EGFLAM: variants seen among roughly 807,000 people sequenced by gnomAD.
EGFLAM encodes the protein pikachurin.
Under a neutral mutation model 113.1 loss-of-function variants are expected in EGFLAM, and 79 were observed. The observed-to-expected ratio is 0.70, with a 90% CI of 0.58 to 0.84. The LOEUF (loss-of-function observed/expected upper bound fraction) is 0.84, where lower values mean the gene tolerates loss of function less well. Among genes scored for constraint, EGFLAM ranks in the 40% least tolerant of loss-of-function variants. The pLI is 0.00. For missense variants in EGFLAM, 1,265 were observed against 1,291.6 expected, an observed-to-expected ratio of 0.98 and a Z score of 0.32; for synonymous variants, 504 against 487.6, an observed-to-expected ratio of 1.03 and a Z score of -0.44.
chr5:38,409,513 C>A, intron 10 of EGFLAM, among the ~76,000 whole-genome samples: 1 of 152,116 alleles, frequency 6.6e-6, no homozygotes, highest in South Asian at 2.1e-4. Context: ...GTACCTGGTG[C>A]TGGAGGTACT....
At chr5:38,429,588 A>G (rs1036599239) in intron 14 of EGFLAM, among the ~76,000 whole-genome samples, 2 of 152,234 alleles carry the variant, frequency 1.3e-5, no homozygotes, top group African/African-American at 2.4e-5. Flanking sequence ...AACTTGCATA[A>G]ATATCATTAA....
chr5:38,395,730 C>T (rs1473568013), intron 6 of EGFLAM, among the ~76,000 whole-genome samples: 1 of 152,188 alleles, frequency 6.6e-6, no homozygotes, highest in Non-Finnish European at 1.5e-5. Flanking sequence ...CTGTGAGCCA[C>T]CGACAAGCTA....
chr5:38,306,499 T>G (rs771943416), intron 1 of EGFLAM, among the ~76,000 whole-genome samples: 1 of 152,232 alleles, frequency 6.6e-6, no homozygotes, highest in Non-Finnish European at 1.5e-5. Flanking sequence ...CGATATCTCA[T>G]GTTCAGGGCC....
At chr5:38,275,426 T>C (rs1222265688) in intron 1 of EGFLAM, among the ~76,000 whole-genome samples, 1 of 152,152 alleles carries the variant, frequency 6.6e-6, no homozygotes, top group African/African-American at 2.4e-5. Flanking sequence ...ACTATGCTTA[T>C]ATCAGATAAA....
At chr5:38,433,734 G>A (rs903670421) in intron 15 of EGFLAM, among the ~76,000 whole-genome samples, 6 of 152,176 alleles carry the variant, frequency 3.9e-5, no homozygotes, top group Non-Finnish European at 7.3e-5. Context: ...TAAGAGCAAT[G>A]ACAAGAGAAA....
Position 38,400,969 on chromosome 5 carries a change from C to T in EGFLAM, c.713-5157C>T, listed in dbSNP as rs77844410. On this transcript the variant is annotated intron_variant, in intron 6 of 21. Transcript: ENST00000322350. The stretch of plus-strand genomic sequence containing the variant: ...CATATTCCTTTTCCCCTTCTTCTTC[C>T]GTACCCTATGTTTCCCCAAACTGAG... The T allele has an allele frequency of 3.3e-4, 50 of 152,236 alleles. No individual in the cohort carries two copies. The East Asian group carries it at 7.9e-3, about 24-fold the overall frequency. 9.4% of individuals were successfully genotyped at this position (152,236 alleles called of 1,614,324 possible). A position where few individuals can be genotyped will look rare whatever the true frequency, so the allele number is the denominator to read the frequency against.
intron 5 of EGFLAM, among the ~76,000 whole-genome samples, chr5:38,368,531 C>G (rs539596196): frequency 6.6e-6 from 1 of 152,158 alleles, no homozygotes; most frequent in Non-Finnish European, 1.5e-5. Flanking sequence ...CTGTTCACCC[C>G]GGCATCTTCT....
intron 1 of EGFLAM, among the ~76,000 whole-genome samples, chr5:38,328,373 G>C (rs528406409): frequency 6.6e-6 from 1 of 152,318 alleles, no homozygotes; most frequent in South Asian, 2.1e-4. Flanking sequence ...AATTCGACAT[G>C]CGGGGACACA....
At chr5:38,275,514 G>A (rs916417614) in intron 1 of EGFLAM, among the ~76,000 whole-genome samples, 8 of 152,094 alleles carry the variant, frequency 5.3e-5, no homozygotes, top group Non-Finnish European at 1.0e-4. Context: ...TTCAGCAAGC[G>A]GATATAACAG....
intron 12 of EGFLAM, 142 bp downstream of exon 12, chr5:38,418,397 G>A: frequency 1.8e-6 from 2 of 1,090,218 alleles, no homozygotes; most frequent in Admixed American, 2.8e-5. Flanking sequence ...CAGGAGGGAG[G>A]TGGGCCTCAG....
intron 1 of EGFLAM, among the ~76,000 whole-genome samples, chr5:38,331,913 C>T (rs932894251): frequency 6.6e-5 from 10 of 152,110 alleles, no homozygotes; most frequent in African/African-American, 1.2e-4. Context: ...TTTGTGTGGA[C>T]GTAAGTTTTT....
intron 6 of EGFLAM, among the ~76,000 whole-genome samples, chr5:38,393,010 T>C (rs1412456646): frequency 6.6e-6 from 1 of 152,162 alleles, no homozygotes; most frequent in Admixed American, 6.5e-5. Flanking sequence ...TGTGCTGGGA[T>C]TACAAGCGTG....
intron 1 of EGFLAM, among the ~76,000 whole-genome samples, chr5:38,261,218 C>T (rs147241406): frequency 2.8e-4 from 42 of 152,338 alleles, no homozygotes; most frequent in African/African-American, 9.9e-4. Context: ...GGGTTCAACA[C>T]AAGCAACCTT....
At chr5:38,408,498 G>A (rs1281288191) in intron 9 of EGFLAM, among the ~76,000 whole-genome samples, 1 of 152,172 alleles carries the variant, frequency 6.6e-6, no homozygotes, top group Non-Finnish European at 1.5e-5. Context: ...TGGCCACAGT[G>A]TTGAGTCTTC....
At chr5:38,356,125 C>T (rs1382216504) in intron 5 of EGFLAM, among the ~76,000 whole-genome samples, 1 of 152,092 alleles carries the variant, frequency 6.6e-6, no homozygotes, top group East Asian at 1.9e-4. Flanking sequence ...ATCTCTTTAC[C>T]TTGACAAAAT....
intron 1 of EGFLAM, among the ~76,000 whole-genome samples, chr5:38,263,463 A>G (rs532464657): frequency 2.0e-5 from 3 of 152,284 alleles, no homozygotes; most frequent in African/African-American, 7.2e-5. Flanking sequence ...CTCTGTCTCA[A>G]AAAAAAGAAA....
rs199961389 is a variant in EGFLAM, at chr5:38,300,376, T to TC, written c.98-37144_98-37143insC. On this transcript the variant is annotated intron_variant, in intron 1 of 21. Coordinates refer to ENST00000322350, the MANE Select transcript of EGFLAM (RefSeq NM_152403.4). ...TTCTCTTCTTCTCTATCTCTCTCTC[T>TC]TTTTTTTTTTTTTTTGAGATGGAGT... is the stretch of plus-strand genomic sequence containing the variant. Among the ~76,000 whole-genome samples the TC allele has an allele frequency of 5.9e-3, 340 of 57,604 alleles. 1 individual carries two copies. Among genetic ancestry groups the TC allele is most frequent in the African/African-American group, 0.028 (301 of 10,864 alleles). 37.8% of individuals were successfully genotyped at this position (57,604 alleles called of 152,430 possible).
intron 15 of EGFLAM, among the ~76,000 whole-genome samples, chr5:38,432,564 C>A (rs550551603): frequency 6.1e-4 from 93 of 152,208 alleles, no homozygotes; most frequent in Non-Finnish European, 1.2e-3. Flanking sequence ...ACCAGAGTCA[C>A]TTCTGGTGCA....
At chr5:38,438,122 C>CAAA (rs376621912) in intron 16 of EGFLAM, among the ~76,000 whole-genome samples, 153 bp from the exon 17 acceptor site, 1 of 97,382 alleles carries the variant, frequency 1.0e-5, no homozygotes, top group African/African-American at 3.2e-5. Flanking sequence ...ACTCCATCTC[C>CAAA]AAAAAAAAAA....
Sources: allele counts gnomAD v4.1 joint callset (sites outside exome capture counted in the v4.1 genomes callset), GRCh38; gene constraint gnomAD v4.1.1; transcripts MANE v1.5; gene names NCBI Gene and HGNC (gene_info 2026-07-23, HGNC 2026-07-21).